SMAP1: variants seen among roughly 807,000 people sequenced by gnomAD.
SMAP1 encodes the protein small ArfGAP 1.
Under a neutral mutation model 58.5 loss-of-function variants are expected in SMAP1, and 24 were observed. The ratio of observed to expected loss-of-function variants is 0.41; its 90% confidence interval spans 0.30 to 0.58. The LOEUF is 0.58. Ranked by LOEUF, SMAP1 falls within the 20% of genes least tolerant of loss-of-function variation. The pLI, the probability that SMAP1 is intolerant of heterozygous loss-of-function variation, is 0.29. For missense variants in SMAP1, 563 were observed against 566.3 expected (o/e 0.99, Z 0.06); for synonymous variants, 216 against 196.6 (o/e 1.10, Z -0.82).
At chr6:70,682,999 C>G (rs1766785264) in intron 1 of SMAP1, among the ~76,000 whole-genome samples, 1 of 151,998 alleles carries the variant, frequency 6.6e-6, no homozygotes, top group South Asian at 2.1e-4. Flanking sequence ...GATCGTGCCA[C>G]TGCACTCCAA....
chr6:70,696,954 C>T (rs1279626901), intron 1 of SMAP1, among the ~76,000 whole-genome samples: 1 of 152,162 alleles, frequency 6.6e-6, no homozygotes, highest in Non-Finnish European at 1.5e-5. Flanking sequence ...ATTGTTATAT[C>T]ATCTTGCTGA....
At chr6:70,818,796 A>G (rs1280845837) in intron 6 of SMAP1, among the ~76,000 whole-genome samples, 1 of 152,196 alleles carries the variant, frequency 6.6e-6, no homozygotes. Context: ...TTTACAGGAG[A>G]ACTGTGCTAG....
chr6:70,736,281 G>T (rs561640993), intron 2 of SMAP1, among the ~76,000 whole-genome samples: 1 of 152,216 alleles, frequency 6.6e-6, no homozygotes, highest in South Asian at 2.1e-4. Flanking sequence ...TTTTAATGTG[G>T]TTCATGGTCA....
At chr6:70,703,391 T>C (rs1232605796) in intron 1 of SMAP1, among the ~76,000 whole-genome samples, 2 of 152,202 alleles carry the variant, frequency 1.3e-5, no homozygotes, top group East Asian at 3.8e-4. Flanking sequence ...TTCAATTGAA[T>C]GCTAGATATG....
At chr6:70,693,722 G>C (rs1767282204) in intron 1 of SMAP1, 1 of 152,572 alleles carries the variant, frequency 6.6e-6, no homozygotes, top group African/African-American at 2.4e-5. Context: ...TTGGCCTCCA[G>C]CTTTGGAAAA....
rs1045236339 is a variant in SMAP1, at chr6:70,770,243, C to T, written c.339-3107C>T. On this transcript the variant is annotated intron_variant, in intron 3 of 10. Transcript: ENST00000370455. ...TTATGTGTCTTGGAGTTGCTCTTCT[C>T]GAGGAGTATCTTTGTGGCATTCTCT... Among the ~76,000 whole-genome samples, 4 of 151,694 alleles carry T rather than the reference C, an allele frequency of 2.6e-5. No homozygotes were observed. The East Asian group carries it at 5.8e-4, about 22-fold the overall frequency.
At chr6:70,773,307 A>T (rs372611589) in intron 3 of SMAP1, 43 bp from the exon 4 acceptor site, 14 of 1,224,744 alleles carry the variant, frequency 1.1e-5, no homozygotes, top group Non-Finnish European at 1.7e-5. Flanking sequence ...GGAAGTGTAC[A>T]TATCACTGAA....
At chr6:70,731,795 T>C (rs779895600) in intron 1 of SMAP1, among the ~76,000 whole-genome samples, 56 of 152,206 alleles carry the variant, frequency 3.7e-4, no homozygotes, top group Admixed American at 2.6e-3. Flanking sequence ...AAAATTTTTT[T>C]TTCCAGAATG....
chr6:70,744,627 A>G (rs935168359), intron 2 of SMAP1, among the ~76,000 whole-genome samples: 1 of 152,234 alleles, frequency 6.6e-6, no homozygotes, highest in African/African-American at 2.4e-5. Flanking sequence ...GTGCTGCAGT[A>G]AACATATGTG....
intron 3 of SMAP1, among the ~76,000 whole-genome samples, chr6:70,767,019 CT>C (rs755034274): frequency 3.5e-4 from 53 of 151,954 alleles, no homozygotes; most frequent in Non-Finnish European, 6.8e-4. Flanking sequence ...TTCCCCATTG[CT>C]TGTTTTTCTC....
intron 6 of SMAP1, among the ~76,000 whole-genome samples, chr6:70,804,533 G>A (rs889447609): frequency 6.6e-6 from 1 of 152,088 alleles, no homozygotes; most frequent in African/African-American, 2.4e-5. Context: ...ATGAGATCCT[G>A]TCATTATGAT....
intron 1 of SMAP1, among the ~76,000 whole-genome samples, chr6:70,727,172 G>T: frequency 6.6e-6 from 1 of 151,922 alleles, no homozygotes; most frequent in East Asian, 1.9e-4. Flanking sequence ...AATTGGCAGG[G>T]TCTCGGCTCA....
chr6:70,836,837 T>A (rs1770608610), intron 6 of SMAP1, 104 bp from the exon 7 acceptor site: 3 of 819,948 alleles, frequency 3.7e-6, no homozygotes, highest in Non-Finnish European at 5.3e-6. Flanking sequence ...ATGTTTCATA[T>A]TTTTTTTACA....
At chr6:70,740,721 C>T (rs563061216) in intron 2 of SMAP1, among the ~76,000 whole-genome samples, 1 of 152,236 alleles carries the variant, frequency 6.6e-6, no homozygotes, top group South Asian at 2.1e-4. Context: ...TATTGTGGCC[C>T]ATTCACACTT....
intron 3 of SMAP1, among the ~76,000 whole-genome samples, chr6:70,760,204 A>G (rs188412614): frequency 6.6e-6 from 1 of 152,186 alleles, no homozygotes; most frequent in Admixed American, 6.6e-5. Context: ...GAAGATTTCA[A>G]CTTTTCATTA....
chr6:70,683,639 C>A (rs1562090908), intron 1 of SMAP1, among the ~76,000 whole-genome samples: 1 of 152,092 alleles, frequency 6.6e-6, no homozygotes, highest in Non-Finnish European at 1.5e-5. Context: ...CCTGGTGGGC[C>A]ACACCATTCA....
chr6:70,832,912 C>T (rs1230370832), intron 6 of SMAP1, among the ~76,000 whole-genome samples: 1 of 152,166 alleles, frequency 6.6e-6, no homozygotes, highest in East Asian at 1.9e-4. Flanking sequence ...CACATTCCAA[C>T]AATAGCATCT....
Position 70,761,759 on chromosome 6 carries a change from T to A in SMAP1, c.338+6694T>A, listed in dbSNP as rs1274241216. ...ATACTATTGGCTTATTTAATTCTTA[T>A]AATAATCCTATGAGATGATACTGGT... is the stretch of plus-strand genomic sequence containing the variant. On this transcript the variant is annotated intron_variant, in intron 3 of 10. Transcript: ENST00000370455. 3.9e-5 allele frequency among the ~76,000 whole-genome samples: 6 copies of A among 152,224 alleles called. No homozygotes were observed. In the East Asian group the frequency reaches 5.8e-4, roughly 15 times the overall value.
At chr6:70,682,188 T>G (rs529368409) in intron 1 of SMAP1, among the ~76,000 whole-genome samples, 4 of 93,356 alleles carry the variant, frequency 4.3e-5, no homozygotes, top group Admixed American at 9.3e-5. Flanking sequence ...TTTTTTTTTT[T>G]TTTTTTTTTT....
Sources: allele counts gnomAD v4.1 joint callset (sites outside exome capture counted in the v4.1 genomes callset), GRCh38; gene constraint gnomAD v4.1.1; transcripts MANE v1.5; gene names NCBI Gene and HGNC (gene_info 2026-07-23, HGNC 2026-07-21).